CSMD1: variants seen among roughly 807,000 people sequenced by gnomAD.
CSMD1 encodes the protein CUB and Sushi multiple domains 1, also known as CUB and sushi domain-containing protein 1.
A neutral mutation model predicts 417.5 loss-of-function variants in CSMD1; 213 were observed. That is an observed-to-expected ratio of 0.51 (90% CI 0.46 to 0.57). CSMD1 has a LOEUF of 0.57. Among genes scored for constraint, CSMD1 ranks in the 20% least tolerant of loss-of-function variants. The probability of loss-of-function intolerance (pLI) is 0.00; values close to 1 mark genes in which losing one functional copy is unlikely to be tolerated. For synonymous variants in CSMD1, 2,862 were observed against 1,736.8 expected, an observed-to-expected ratio of 1.65 and a Z score of -16.11; for missense variants, 6,923 against 4,529.7, an observed-to-expected ratio of 1.53 and a Z score of -15.17.
At chr8:3,098,238 C>T (rs558626471) in intron 46 of CSMD1, among the ~76,000 whole-genome samples, 9 of 152,154 alleles carry the variant, frequency 5.9e-5, no homozygotes, top group African/African-American at 2.2e-4. Flanking sequence ...TGAAAAAGAG[C>T]TTTTGTTAAA....
intron 21 of CSMD1, among the ~76,000 whole-genome samples, chr8:3,349,827 TATATA>T (rs1276553959): frequency 0.019 from 2,693 of 143,686 alleles, 37 homozygotes; most frequent in Non-Finnish European, 0.023. Context: ...ATATAAAATA[TATATA>T]ATATATCTAG....
intron 3 of CSMD1, among the ~76,000 whole-genome samples, chr8:4,401,778 C>T (rs1412644432): frequency 6.6e-6 from 1 of 152,152 alleles, no homozygotes; most frequent in East Asian, 1.9e-4. Context: ...TCCCCGCAGC[C>T]CTGTCCAGCA....
chr8:4,127,977 C>A (rs1432316056), intron 3 of CSMD1, among the ~76,000 whole-genome samples: 1 of 152,142 alleles, frequency 6.6e-6, no homozygotes, highest in Non-Finnish European at 1.5e-5. Context: ...TTGGTAAATG[C>A]CACTGCTTTG....
At chr8:3,225,451 G>C (rs1042893030) in intron 27 of CSMD1, among the ~76,000 whole-genome samples, 1 of 151,700 alleles carries the variant, frequency 6.6e-6, no homozygotes, top group Admixed American at 6.6e-5. Flanking sequence ...AGCTCTCACA[G>C]GGCAGTGCCT....
At chr8:2,996,579 G>A (rs188162151) in intron 54 of CSMD1, among the ~76,000 whole-genome samples, 7 of 152,290 alleles carry the variant, frequency 4.6e-5, no homozygotes, top group East Asian at 3.9e-4. Flanking sequence ...AAGAGTCACC[G>A]CTAGCTCTCT....
intron 18 of CSMD1, among the ~76,000 whole-genome samples, chr8:3,382,396 ATGT>A (rs1186906354): frequency 6.9e-6 from 1 of 144,802 alleles, no homozygotes. Context: ...AGTTATATAT[ATGT>A]TATTATATAA....
chr8:4,551,804 T>C (rs541822562), intron 2 of CSMD1, among the ~76,000 whole-genome samples: 1 of 152,068 alleles, frequency 6.6e-6, no homozygotes, highest in Non-Finnish European at 1.5e-5. Flanking sequence ...TCAGCCTCCC[T>C]AGTAGCTGGG....
intron 10 of CSMD1, chr8:3,515,288 G>A (rs1426226034): frequency 2.0e-5 from 3 of 152,178 alleles, no homozygotes; most frequent in Non-Finnish European, 2.9e-5. Context: ...AGTATGTGGT[G>A]TAAATAATGA....
At chr8:2,943,980 T>C (rs963393681) in intron 68 of CSMD1, among the ~76,000 whole-genome samples, 5 of 152,262 alleles carry the variant, frequency 3.3e-5, no homozygotes, top group African/African-American at 1.2e-4. Context: ...CAACACCCTT[T>C]AATTTTCATA....
intron 1 of CSMD1, among the ~76,000 whole-genome samples, chr8:4,905,628 G>A (rs907755212): frequency 3.3e-5 from 5 of 151,588 alleles, no homozygotes; most frequent in South Asian, 2.1e-4. Flanking sequence ...GGCCATCCTG[G>A]CTAACACGGT....
chr8:3,394,054 A>ATATATATATATG (rs1563342476), intron 17 of CSMD1, among the ~76,000 whole-genome samples: 1 of 127,618 alleles, frequency 7.8e-6, no homozygotes, highest in Admixed American at 8.1e-5. Context: ...ATATATATAT[A>ATATATATATATG]TAGAAAAAAA....
rs145410725 is a variant in CSMD1 at position 4,151,778 on chromosome 8, G to A, written c.416-119679C>T. ...TTTTTCCTAGTGCCACATTTCTTCT[G>A]CAAATGCTTATTTTATATGAAAAAT... is the stretch of plus-strand genomic sequence containing the variant. On this transcript the variant is annotated intron_variant, in intron 3 of 69. Coordinates refer to ENST00000635120, the MANE Select transcript of CSMD1 (RefSeq NM_033225.6). Among the ~76,000 whole-genome samples, 278 of 152,214 alleles carry A rather than the reference G, an allele frequency of 1.8e-3. 4 individuals carry two copies. The East Asian group carries it at 0.023, about 12-fold the overall frequency.
chr8:3,921,602 T>C (rs1281707192), intron 5 of CSMD1, among the ~76,000 whole-genome samples: 2 of 152,152 alleles, frequency 1.3e-5, no homozygotes, highest in African/African-American at 4.8e-5. Context: ...TTTTCATTTA[T>C]TTCCATCTAT....
chr8:3,081,540 G>A (rs1179816797), intron 49 of CSMD1, among the ~76,000 whole-genome samples: 1 of 152,056 alleles, frequency 6.6e-6, no homozygotes, highest in African/African-American at 2.4e-5. Flanking sequence ...TAAGTTGGAC[G>A]TGGAAGTCTT....
chr8:3,390,306 G>A (rs192674019), intron 17 of CSMD1, among the ~76,000 whole-genome samples: 2 of 134,462 alleles, frequency 1.5e-5, no homozygotes, highest in African/African-American at 5.6e-5. Flanking sequence ...AGTGAGCCAA[G>A]GTTGTGCCGT....
rs764364110 is a variant in CSMD1 at position 3,682,890 on chromosome 8, T to A, written c.1009+25524A>T. On this transcript the variant is annotated intron_variant, in intron 7 of 69. Coordinates refer to ENST00000635120, the MANE Select transcript of CSMD1 (RefSeq NM_033225.6). The stretch of plus-strand genomic sequence containing the variant: ...AAAAATGAAGAGTTCATGTCATTTG[T>A]AGAAACATGGATGAAGCTGGAAACC... Among the ~76,000 whole-genome samples, 30 of 152,172 alleles carry A rather than the reference T, an allele frequency of 2.0e-4. 1 individual carries two copies. Among genetic ancestry groups the A allele is most frequent in the Admixed American group, 1.9e-3 (29 of 15,276 alleles).
intron 2 of CSMD1, among the ~76,000 whole-genome samples, chr8:4,626,198 T>C (rs1339999289): frequency 6.6e-6 from 1 of 152,130 alleles, no homozygotes; most frequent in South Asian, 2.1e-4. Context: ...TAGCTCAGTT[T>C]TCCTCTTTTG....
At chr8:4,035,872 G>A (rs907579203) in intron 3 of CSMD1, among the ~76,000 whole-genome samples, 2 of 152,100 alleles carry the variant, frequency 1.3e-5, no homozygotes, top group African/African-American at 4.8e-5. Context: ...ACATAGTCCC[G>A]TCCGAAGCCT....
intron 12 of CSMD1, among the ~76,000 whole-genome samples, chr8:3,417,213 A>T (rs1267489269): frequency 6.6e-6 from 1 of 152,230 alleles, no homozygotes; most frequent in East Asian, 1.9e-4. Context: ...ATGTACTATG[A>T]TGATGTTCCA....
Sources: gnomAD v4.1 joint callset for allele counts (sites outside exome capture counted in the v4.1 genomes callset) on GRCh38, gnomAD v4.1.1 for gene constraint, MANE v1.5 for transcripts, NCBI Gene and HGNC (gene_info 2026-07-23, HGNC 2026-07-21) for gene names.